SNTG2: variants seen among roughly 807,000 people sequenced by gnomAD.
SNTG2 encodes the protein gamma-2-syntrophin.
In SNTG2, 74 loss-of-function variants were observed where a neutral mutation model predicts 70.9. The ratio of observed to expected loss-of-function variants is 1.04; its 90% CI spans 0.86 to 1.27. The LOEUF (loss-of-function observed/expected upper bound fraction) is 1.27, where lower values mean the gene tolerates loss of function less well. Among genes scored for constraint, SNTG2 ranks in the 50% most tolerant of loss-of-function variants. The probability of loss-of-function intolerance (pLI) is 0.00; values close to 1 mark genes in which losing one functional copy is unlikely to be tolerated. For missense variants in SNTG2, 717 were observed against 690.7 expected (o/e 1.04, Z -0.43); for synonymous variants, 278 against 273.8 (o/e 1.02, Z -0.15).
At chr2:1,023,345 G>A (rs1449432654) in intron 1 of SNTG2, among the ~76,000 whole-genome samples, 2 of 152,088 alleles carry the variant, frequency 1.3e-5, no homozygotes, top group Non-Finnish European at 2.9e-5. Flanking sequence ...CTCCTGTAGT[G>A]TGAGGTGAGT....
chr2:1,319,840 A>G (rs1280437480), intron 16 of SNTG2, among the ~76,000 whole-genome samples: 4 of 152,244 alleles, frequency 2.6e-5, no homozygotes, highest in South Asian at 2.1e-4. Context: ...AAGTTAGAAC[A>G]TGGCAGCTGG....
At chr2:1,283,682 C>T (rs1558178122) in intron 14 of SNTG2, among the ~76,000 whole-genome samples, 1 of 152,198 alleles carries the variant, frequency 6.6e-6, no homozygotes, top group Non-Finnish European at 1.5e-5. Flanking sequence ...CTGTGTCTTC[C>T]ACAGTTCTCT....
At chr2:1,186,553 G>T (rs1310967489) in intron 8 of SNTG2, among the ~76,000 whole-genome samples, 1 of 152,110 alleles carries the variant, frequency 6.6e-6, no homozygotes, top group East Asian at 1.9e-4. Context: ...GCATGGCTAG[G>T]GAGACCTCAG....
At chr2:1,137,019 T>C (rs1425137007) in intron 4 of SNTG2, among the ~76,000 whole-genome samples, 1 of 152,234 alleles carries the variant, frequency 6.6e-6, no homozygotes, top group Non-Finnish European at 1.5e-5. Flanking sequence ...TGAAACCCTT[T>C]GTTACGAGGA....
At chr2:1,289,917 C>A (rs1055898597) in intron 14 of SNTG2, among the ~76,000 whole-genome samples, 7 of 152,184 alleles carry the variant, frequency 4.6e-5, no homozygotes, top group Non-Finnish European at 8.8e-5. Flanking sequence ...ACTTATTTAA[C>A]TTAGCATAAT....
chr2:986,911 A>G (rs1195220940), intron 1 of SNTG2, among the ~76,000 whole-genome samples: 4 of 152,268 alleles, frequency 2.6e-5, no homozygotes, highest in Non-Finnish European at 5.9e-5. Context: ...ATAGCTTTTT[A>G]GATTAAAATG....
chr2:1,073,805 A>G (rs1186527615), intron 1 of SNTG2, among the ~76,000 whole-genome samples: 1 of 152,240 alleles, frequency 6.6e-6, no homozygotes, highest in African/African-American at 2.4e-5. Flanking sequence ...GTGAAGTTGC[A>G]TGATGAAAAC....
chr2:1,361,325 G>T (rs1661130895), intron 16 of SNTG2, among the ~76,000 whole-genome samples: 1 of 148,106 alleles, frequency 6.8e-6, no homozygotes. Context: ...TTTAATAAAT[G>T]GTCATCAAGT....
intron 1 of SNTG2, among the ~76,000 whole-genome samples, chr2:1,000,464 C>G (rs1454385881): frequency 6.6e-6 from 1 of 151,588 alleles, no homozygotes; most frequent in Non-Finnish European, 1.5e-5. Flanking sequence ...CACAGAAATA[C>G]AAAAGATCCT....
chr2:1,139,417 G>A (rs1402143181), intron 6 of SNTG2, among the ~76,000 whole-genome samples: 8 of 152,024 alleles, frequency 5.3e-5, no homozygotes, highest in Non-Finnish European at 1.0e-4. Context: ...GTTTTTTTTA[G>A]TAGAGATGGG....
At chr2:1,319,298 G>A (rs1172358026) in intron 16 of SNTG2, among the ~76,000 whole-genome samples, 1 of 152,228 alleles carries the variant, frequency 6.6e-6, no homozygotes, top group Non-Finnish European at 1.5e-5. Context: ...AGAGGCCACA[G>A]GGATGGATAC....
chr2:1,189,044 C>T (rs1672418180), intron 8 of SNTG2, among the ~76,000 whole-genome samples: 1 of 152,042 alleles, frequency 6.6e-6, no homozygotes. Context: ...ACTGTTATTT[C>T]TAGATGACCT....
chr2:1,172,350 C>T (rs971680723), intron 7 of SNTG2, among the ~76,000 whole-genome samples: 3 of 152,172 alleles, frequency 2.0e-5, no homozygotes, highest in South Asian at 4.1e-4. Context: ...TCTGTCTTTA[C>T]GTGGCAATAC....
In SNTG2 at chr2:1,072,514, A is replaced by G. The variant is rs553290619; in HGVS notation, c.73-11004A>G. Among the ~76,000 whole-genome samples the G allele has an allele frequency of 3.5e-3, 531 of 151,708 alleles. 3 individuals are homozygous for G. Among genetic ancestry groups the G allele is most frequent in the Non-Finnish European group, 5.9e-3 (403 of 67,900 alleles). On this transcript the variant is annotated intron_variant, in intron 1 of 16. Coordinates refer to ENST00000308624, the MANE Select transcript of SNTG2 (RefSeq NM_018968.4). ...TTTAGCACACTGTTGTGATCCACTG[A>G]GACAAAAAGAAAAAAAAGATATCTT...
At chr2:1,087,958 C>T (rs941705460) in intron 2 of SNTG2, among the ~76,000 whole-genome samples, 1 of 152,200 alleles carries the variant, frequency 6.6e-6, no homozygotes, top group African/African-American at 2.4e-5. Flanking sequence ...GCTTGTCATA[C>T]AGTCAATATT....
chr2:1,148,616 C>T (rs951102281), intron 6 of SNTG2, among the ~76,000 whole-genome samples: 19 of 152,194 alleles, frequency 1.2e-4, no homozygotes, highest in Admixed American at 3.3e-4. Flanking sequence ...CCTGAGCTCC[C>T]GGGGCGGGAT....
At chr2:1,165,393 T>C (rs1193707724) in intron 6 of SNTG2, among the ~76,000 whole-genome samples, 155 bp from the exon 7 acceptor site, 1 of 152,176 alleles carries the variant, frequency 6.6e-6, no homozygotes, top group African/African-American at 2.4e-5. Flanking sequence ...CACTCTTCTT[T>C]ACTCCAGCTG....
chr2:1,184,411 T>TA (rs893340487), intron 8 of SNTG2, among the ~76,000 whole-genome samples: 58 of 152,226 alleles, frequency 3.8e-4, no homozygotes, highest in African/African-American at 1.3e-3. Context: ...ACATTGAATA[T>TA]AAAAAAACTA....
chr2:1,137,302 GCACA>G (rs1420613467), intron 4 of SNTG2, among the ~76,000 whole-genome samples: 2 of 149,856 alleles, frequency 1.3e-5, no homozygotes, highest in African/African-American at 2.5e-5. Context: ...ATCTGCACCT[GCACA>G]CACACACATC....
Sources: allele counts gnomAD v4.1 joint callset (sites outside exome capture counted in the v4.1 genomes callset), GRCh38; gene constraint gnomAD v4.1.1; transcripts MANE v1.5; gene names NCBI Gene and HGNC (gene_info 2026-07-23, HGNC 2026-07-21).